The following PTPRD variants were observed in gnomAD, a reference collection of about 807,000 sequenced individuals.
PTPRD encodes receptor-type tyrosine-protein phosphatase delta.
In PTPRD, 34 loss-of-function variants were observed where a neutral mutation model predicts 214.5. The observed-to-expected ratio is 0.16, with a 90% CI of 0.12 to 0.21. The LOEUF (loss-of-function observed/expected upper bound fraction) is 0.21. Among genes scored for constraint, PTPRD ranks in the 10% least tolerant of loss-of-function variants. The probability of loss-of-function intolerance (pLI) is 1.00; values close to 1 mark genes in which losing one functional copy is unlikely to be tolerated. For missense variants in PTPRD, 2,545 were observed against 2,398.7 expected, an observed-to-expected ratio of 1.06 and a Z score of -1.27; for synonymous variants, 1,128 against 845.7, an observed-to-expected ratio of 1.33 and a Z score of -5.79.
intron 2 of PTPRD, among the ~76,000 whole-genome samples, chr9:10,435,516 G>C (rs2098711419): frequency 1.3e-5 from 2 of 151,726 alleles, no homozygotes; most frequent in African/African-American, 4.8e-5. Flanking sequence ...CTGCTACTTT[G>C]CTCTTTTTCC....
intron 7 of PTPRD, among the ~76,000 whole-genome samples, chr9:9,618,170 T>A (rs1392806015): frequency 2.1e-5 from 3 of 143,378 alleles, no homozygotes; most frequent in African/African-American, 7.7e-5. Context: ...TATTCCTTAA[T>A]ACATAAAAGG....
chr9:10,484,209 C>T (rs547498027), intron 2 of PTPRD, among the ~76,000 whole-genome samples: 14 of 152,130 alleles, frequency 9.2e-5, no homozygotes, highest in Admixed American at 3.9e-4. Context: ...AAAGCAAATA[C>T]TACATGTTCT....
intron 10 of PTPRD, among the ~76,000 whole-genome samples, chr9:9,145,944 C>A (rs1047572586): frequency 6.6e-6 from 1 of 152,224 alleles, no homozygotes; most frequent in Admixed American, 6.5e-5. Flanking sequence ...GAAAAACACT[C>A]TAACTGAAGA....
At chr9:10,153,926 G>T (rs141727965) in intron 3 of PTPRD, among the ~76,000 whole-genome samples, 1 of 152,148 alleles carries the variant, frequency 6.6e-6, no homozygotes, top group African/African-American at 2.4e-5. Context: ...TTGATATTGT[G>T]AATAGTGTTG....
intron 7 of PTPRD, among the ~76,000 whole-genome samples, chr9:9,648,415 G>A (rs188458693): frequency 1.1e-3 from 174 of 152,222 alleles, no homozygotes; most frequent in African/African-American, 4.0e-3. Context: ...TGGTCATAAC[G>A]TTCTGTCTTC....
At chr9:9,966,661 G>A (rs181190509) in intron 4 of PTPRD, among the ~76,000 whole-genome samples, 37 of 152,222 alleles carry the variant, frequency 2.4e-4, no homozygotes, top group Admixed American at 1.3e-3. Flanking sequence ...TCATGAATGG[G>A]GAGAAGTGGA....
At chr9:8,371,709 C>T (rs1372633142) in intron 39 of PTPRD, among the ~76,000 whole-genome samples, 1 of 152,020 alleles carries the variant, frequency 6.6e-6, no homozygotes, top group African/African-American at 2.4e-5. Flanking sequence ...ATCAACAAAA[C>T]TATCTGAAGC....
intron 5 of PTPRD, among the ~76,000 whole-genome samples, chr9:9,837,854 G>A (rs1291818061): frequency 6.6e-6 from 1 of 152,072 alleles, no homozygotes; most frequent in African/African-American, 2.4e-5. Context: ...TGCCATGTTG[G>A]TGCGCTGCAC....
At chr9:10,496,795 A>G (rs1273543269) in intron 2 of PTPRD, among the ~76,000 whole-genome samples, 1 of 152,000 alleles carries the variant, frequency 6.6e-6, no homozygotes, top group East Asian at 1.9e-4. Flanking sequence ...CCACACTTTA[A>G]CGGGGTTATG....
intron 11 of PTPRD, among the ~76,000 whole-genome samples, chr9:8,807,411 C>G (rs1453302764): frequency 6.6e-6 from 1 of 152,082 alleles, no homozygotes; most frequent in African/African-American, 2.4e-5. Flanking sequence ...TCACAGACTC[C>G]AGCTTATTTG....
At chr9:9,480,552 T>G (rs990954190) in intron 8 of PTPRD, among the ~76,000 whole-genome samples, 1 of 152,144 alleles carries the variant, frequency 6.6e-6, no homozygotes, top group Non-Finnish European at 1.5e-5. Context: ...AAAAAAATGT[T>G]AGATTTCAAA....
intron 5 of PTPRD, among the ~76,000 whole-genome samples, chr9:9,821,743 CTT>C (rs1033009434): frequency 2.6e-4 from 40 of 151,754 alleles, no homozygotes; most frequent in Middle Eastern, 3.4e-3. Context: ...TTACTGAAGA[CTT>C]TGAGAGATAA....
Position 8,788,253 on chromosome 9 carries a change from ATTTTTTTT to A in PTPRD, c.-103-54315_-103-54308del, listed in dbSNP as rs776984034. On this transcript the variant is annotated intron_variant, in intron 11 of 45. Coordinates refer to ENST00000381196, the MANE Select transcript of PTPRD (RefSeq NM_002839.4). ...AAATATTTTTGGTTCATATAAGATG[ATTTTTTTT>A]TTTTTTTTTTTTTTTTTGTGTGTGT... Among the ~76,000 whole-genome samples the A allele has an allele frequency of 4.1e-3, 347 of 85,266 alleles. 3 individuals are homozygous for A. Among genetic ancestry groups the A allele is most frequent in the African/African-American group, 0.018 (332 of 18,832 alleles). The allele number at this position is 85,266 out of a possible 152,430, so 55.9% of individuals were successfully genotyped here.
intron 2 of PTPRD, among the ~76,000 whole-genome samples, chr9:10,541,254 A>T (rs1160186683): frequency 2.6e-5 from 4 of 152,160 alleles, no homozygotes; most frequent in African/African-American, 9.7e-5. Context: ...GCCTTGATTA[A>T]AGATATAATG....
At position 8,317,694 on chromosome 9, in the gene PTPRD, CTG is replaced by C. The variant is rs928699466; in HGVS notation, c.*178_*179del. 25 of 505,452 alleles carry C rather than the reference CTG, an allele frequency of 4.9e-5. No individual in the cohort carries two copies. The highest frequency in any genetic ancestry group is 6.5e-5 in the Non-Finnish European group (18 of 274,828). 31.3% of individuals were successfully genotyped at this position (505,452 alleles called of 1,614,324 possible). A position where few individuals can be genotyped will look rare whatever the true frequency, so the allele number is the denominator to read the frequency against. Reference sequence around the variant, plus strand: ...TTATTTTTCAGGTTAGATTATTAAACTGTGAATTCTTGGTCCACCTGGAATAA... The same window carrying C: ...TTATTTTTCAGGTTAGATTATTAAACTGAATTCTTGGTCCACCTGGAATAA... On this transcript the variant is annotated 3_prime_UTR_variant, in exon 46 of 46. Coordinates refer to ENST00000381196, the MANE Select transcript of PTPRD (RefSeq NM_002839.4).
At chr9:9,445,036 CA>C (rs1569568388) in intron 8 of PTPRD, among the ~76,000 whole-genome samples, 1 of 152,046 alleles carries the variant, frequency 6.6e-6, no homozygotes, top group Non-Finnish European at 1.5e-5. Flanking sequence ...AATGAGTGAG[CA>C]ACAAACACAC....
intron 7 of PTPRD, among the ~76,000 whole-genome samples, chr9:9,730,008 A>G (rs1027304201): frequency 6.6e-6 from 1 of 152,154 alleles, no homozygotes; most frequent in East Asian, 1.9e-4. Context: ...CAATTTAAAT[A>G]CATAACATAA....
At chr9:9,720,811 CA>C (rs112359063) in intron 7 of PTPRD, among the ~76,000 whole-genome samples, 2 of 151,554 alleles carry the variant, frequency 1.3e-5, no homozygotes, top group East Asian at 1.9e-4. Flanking sequence ...ACTATGCAAC[CA>C]AAAAAAAGAA....
intron 11 of PTPRD, among the ~76,000 whole-genome samples, chr9:8,885,165 T>A (rs1246756378): frequency 6.6e-6 from 1 of 152,210 alleles, no homozygotes; most frequent in Non-Finnish European, 1.5e-5. Flanking sequence ...AGTTCCCATT[T>A]GGAGACCCTA....
Sources: allele counts gnomAD v4.1 joint callset (sites outside exome capture counted in the v4.1 genomes callset), GRCh38; gene constraint gnomAD v4.1.1; transcripts MANE v1.5; gene names NCBI Gene and HGNC (gene_info 2026-07-23, HGNC 2026-07-21).